SEL1L3: variants seen among roughly 807,000 people sequenced by gnomAD.
SEL1L3 encodes the protein protein sel-1 homolog 3.
Under a neutral mutation model 142.8 loss-of-function variants are expected in SEL1L3, and 76 were observed. That is an observed-to-expected ratio of 0.53 (90% CI 0.44 to 0.64). The LOEUF is 0.64. Ranked by LOEUF, SEL1L3 falls within the 30% of genes least tolerant of loss-of-function variation. The pLI is 0.00. For synonymous variants in SEL1L3, 504 were observed against 519.6 expected, an observed-to-expected ratio of 0.97 and a Z score of 0.41; for missense variants, 1,262 against 1,381.7, an observed-to-expected ratio of 0.91 and a Z score of 1.37.
chr4:25,808,163 A>AT (rs1485764648), intron 9 of SEL1L3, among the ~76,000 whole-genome samples: 1 of 152,076 alleles, frequency 6.6e-6, no homozygotes, highest in Non-Finnish European at 1.5e-5. Context: ...TAGCATATGC[A>AT]TTTTTTTCTA....
At chr4:25,768,056 G>C (rs1340983025) in intron 17 of SEL1L3, among the ~76,000 whole-genome samples, 1 of 152,146 alleles carries the variant, frequency 6.6e-6, no homozygotes, top group Non-Finnish European at 1.5e-5. Flanking sequence ...GCTAGTTGAT[G>C]CAACAGCTAC....
chr4:25,852,381 A>G (rs1313712463), intron 1 of SEL1L3, among the ~76,000 whole-genome samples: 1 of 152,176 alleles, frequency 6.6e-6, no homozygotes, highest in East Asian at 1.9e-4. Context: ...TGGAAACTCT[A>G]GACTAAATTC....
At chr4:25,846,321 A>G (rs1716508899) in intron 2 of SEL1L3, among the ~76,000 whole-genome samples, 1 of 152,220 alleles carries the variant, frequency 6.6e-6, no homozygotes. Flanking sequence ...CATTTAGGAT[A>G]AAATGCAGAG....
intron 11 of SEL1L3, among the ~76,000 whole-genome samples, chr4:25,801,440 T>C (rs1560312522): frequency 1.3e-5 from 2 of 152,144 alleles, no homozygotes; most frequent in Admixed American, 1.3e-4. Context: ...AACCACTTTA[T>C]TGTCTACCAC....
At chr4:25,756,972 A>G (rs1474962265) in intron 23 of SEL1L3, 2 of 1,213,416 alleles carry the variant, frequency 1.6e-6, no homozygotes, top group African/African-American at 1.6e-5. Context: ...TTTTAAAGAA[A>G]GTCCTTATTT....
At chr4:25,863,514 C>A (rs759240677), upstream of SEL1L3, 1 of 702,712 alleles carries the variant, frequency 1.4e-6, no homozygotes, top group Non-Finnish European at 2.6e-6. Flanking sequence ...GGGCGCCATT[C>A]CCGCAGGGCG....
At chr4:25,748,967 G>A (rs1044734307) in intron 23 of SEL1L3, among the ~76,000 whole-genome samples, 2 of 152,164 alleles carry the variant, frequency 1.3e-5, no homozygotes, top group Non-Finnish European at 2.9e-5. Context: ...GGGGCAGGAT[G>A]TTGTAGAATG....
chr4:25,730,112 T>G, the SEL1L3 span, among the ~76,000 whole-genome samples: 1 of 152,202 alleles, frequency 6.6e-6, no homozygotes, highest in Admixed American at 6.5e-5. Flanking sequence ...TTTTGTATTT[T>G]TAGTAGAGAC....
At position 25,847,715 on chromosome 4, in the gene SEL1L3, T is replaced by A. The variant is rs1560355486; in HGVS notation, c.312A>T (p.Leu104Phe). Residue 104 changes from leucine (L) to phenylalanine (F), a missense_variant, in exon 2 of 24, where the codon TTA (leucine) becomes TTT (phenylalanine). Physicochemically the swap from Leu to Phe is conservative, Grantham distance 22. Coordinates refer to ENST00000399878, the MANE Select transcript of SEL1L3 (RefSeq NM_015187.5). ...AATTGACAACACAAGGCTGAGAGCA[T>A]AAATACTCAACCGAGACTTCAGAAA... ...RNVSEVSVEY[L>F]CSQPCVVNLE... The A allele has an allele frequency of 6.2e-7, 1 of 1,613,898 alleles. No individual in the cohort carries two copies. Among genetic ancestry groups the A allele is most frequent in the South Asian group, 1.1e-5 (1 of 91,070 alleles).
At position 25,775,373 on chromosome 4, in the gene SEL1L3, A is replaced by G. The variant is rs550964166; in HGVS notation, c.2669+904T>C. Among the ~76,000 whole-genome samples, 3 of 152,346 alleles carry G rather than the reference A, an allele frequency of 2.0e-5. No individual in the cohort carries two copies. The East Asian group carries it at 5.8e-4, about 29-fold the overall frequency. On this transcript the variant is annotated intron_variant, in intron 17 of 23. Transcript: ENST00000399878. Reference sequence around the variant, plus strand: ...CTGTTGGTTGCGTGTGCAGCCATGGACTAAAAGGGAAAATGTCATTCTTTT... The same window carrying G: ...CTGTTGGTTGCGTGTGCAGCCATGGGCTAAAAGGGAAAATGTCATTCTTTT...
At chr4:25,756,875 G>A (rs1309700347) in intron 23 of SEL1L3, 1 of 1,284,382 alleles carries the variant, frequency 7.8e-7, no homozygotes, top group Non-Finnish European at 1.0e-6. Context: ...CAGGAGCTTT[G>A]GCGCTGTGTT....
At chr4:25,783,610 C>T (rs1711574198) in intron 14 of SEL1L3, among the ~76,000 whole-genome samples, 1 of 152,110 alleles carries the variant, frequency 6.6e-6, no homozygotes, top group African/African-American at 2.4e-5. Context: ...ATGCATTGGG[C>T]ATATGTGTGT....
chr4:25,842,452 T>G (rs1024638023), intron 2 of SEL1L3, among the ~76,000 whole-genome samples: 2 of 151,636 alleles, frequency 1.3e-5, no homozygotes, highest in East Asian at 3.9e-4. Flanking sequence ...GACATAGGGG[T>G]GGGGAATCAA....
intron 21 of SEL1L3, 51 bp from the exon 22 acceptor site, chr4:25,757,841 C>T (rs921111256): frequency 3.1e-5 from 40 of 1,306,196 alleles, no homozygotes; most frequent in African/African-American, 1.6e-4. Context: ...TTTGGTGGCA[C>T]GACTCAGGAC....
At chr4:25,853,346 A>G (rs543002816) in intron 1 of SEL1L3, among the ~76,000 whole-genome samples, 2 of 152,210 alleles carry the variant, frequency 1.3e-5, no homozygotes, top group Non-Finnish European at 2.9e-5. Context: ...CCATATACTT[A>G]TATGAAGATT....
At chr4:25,827,160 T>C (rs1212300639) in intron 6 of SEL1L3, among the ~76,000 whole-genome samples, 1 of 152,212 alleles carries the variant, frequency 6.6e-6, no homozygotes, top group Non-Finnish European at 1.5e-5. Flanking sequence ...CATATTAATA[T>C]GTTACTTATC....
chr4:25,816,213 C>A (rs1447774803), intron 9 of SEL1L3, among the ~76,000 whole-genome samples: 1 of 149,380 alleles, frequency 6.7e-6, no homozygotes, highest in Non-Finnish European at 1.5e-5. Context: ...CACATATATA[C>A]CTATATATAC....
chr4:25,740,614 G>T, the SEL1L3 span, among the ~76,000 whole-genome samples: 1 of 152,020 alleles, frequency 6.6e-6, no homozygotes, highest in Non-Finnish European at 1.5e-5. Flanking sequence ...TATTGGACCT[G>T]TGCAGAGTTT....
the SEL1L3 span, among the ~76,000 whole-genome samples, chr4:25,739,230 CA>C: frequency 1.9e-4 from 28 of 151,324 alleles, no homozygotes; most frequent in African/African-American, 6.6e-4. Flanking sequence ...ACAAAAACAA[CA>C]ACAACAAAAA....
Sources: allele counts gnomAD v4.1 joint callset (sites outside exome capture counted in the v4.1 genomes callset), GRCh38; gene constraint gnomAD v4.1.1; transcripts MANE v1.5; gene names NCBI Gene and HGNC (gene_info 2026-07-23, HGNC 2026-07-21).